The following PHF21B variants were observed in gnomAD, a reference collection of about 807,000 sequenced individuals.
The protein encoded by PHF21B is PHD finger protein 21B.
In PHF21B, 22 loss-of-function variants were observed where a neutral mutation model predicts 62.2. The observed-to-expected ratio is 0.35, with a 90% CI of 0.25 to 0.51. PHF21B has a LOEUF of 0.51. PHF21B is among the 20% of genes least tolerant of loss of function. PHF21B has a pLI of 0.97. For synonymous variants in PHF21B, 341 were observed against 314.7 expected (o/e 1.08, Z -0.88); for missense variants, 701 against 707.9 (o/e 0.99, Z 0.11).
At chr22:44,942,017 G>A (rs932218416) in intron 2 of PHF21B, among the ~76,000 whole-genome samples, 14 of 152,184 alleles carry the variant, frequency 9.2e-5, no homozygotes, top group African/African-American at 3.4e-4. Flanking sequence ...AAAAGTCCAC[G>A]ACATGGCCCG....
chr22:44,902,099 T>C, intron 5 of PHF21B: 1 of 207,506 alleles, frequency 4.8e-6, no homozygotes, highest in Non-Finnish European at 1.0e-5. Context: ...TACTTGTGTC[T>C]GGACCTCTGG....
rs207478019 is a variant in PHF21B, at chr22:44,955,910, G to A, written c.121-35420C>T. On this transcript the variant is annotated intron_variant, in intron 2 of 12. Coordinates refer to ENST00000313237, the MANE Select transcript of PHF21B (RefSeq NM_138415.5). ...ATGGTCAGCACTCAAAGACGCTTCCGTCATATTACAGATGAGGAGAGTGGT... is the reference window on the plus strand; with the variant it reads ...ATGGTCAGCACTCAAAGACGCTTCCATCATATTACAGATGAGGAGAGTGGT... 9.2e-5 allele frequency among the ~76,000 whole-genome samples: 14 copies of A among 152,310 alleles called. No homozygotes were observed. The South Asian group carries it at 1.0e-3, about 11-fold the overall frequency.
At chr22:44,976,656 G>A (rs1232610021) in intron 2 of PHF21B, among the ~76,000 whole-genome samples, 1 of 152,180 alleles carries the variant, frequency 6.6e-6, no homozygotes, top group Non-Finnish European at 1.5e-5. Context: ...TATGTCCAAG[G>A]ACAGCCCAGA....
intron 2 of PHF21B, 31 bp downstream of exon 2, chr22:45,008,514 T>A: frequency 6.5e-7 from 1 of 1,526,836 alleles, no homozygotes; most frequent in South Asian, 1.2e-5. Context: ...TCCCGCCCCA[T>A]CCCAGGGGGG....
intron 9 of PHF21B, among the ~76,000 whole-genome samples, chr22:44,889,156 T>C (rs2070914847): frequency 6.6e-6 from 1 of 152,216 alleles, no homozygotes; most frequent in Non-Finnish European, 1.5e-5. Flanking sequence ...GAATGTTCTT[T>C]TAGAATTAGA....
chr22:44,977,815 G>A (rs1248448768), intron 2 of PHF21B, among the ~76,000 whole-genome samples: 1 of 148,476 alleles, frequency 6.7e-6, no homozygotes, highest in African/African-American at 2.5e-5. Flanking sequence ...TCGAACTCCT[G>A]GCCTCAAGTA....
chr22:44,950,274 C>T (rs917664801), intron 2 of PHF21B, among the ~76,000 whole-genome samples: 15 of 152,242 alleles, frequency 9.9e-5, no homozygotes, highest in African/African-American at 3.6e-4. Flanking sequence ...CCCTGGGTTG[C>T]GTACCGCAGT....
At chr22:44,937,785 A>C (rs2071878865) in intron 2 of PHF21B, among the ~76,000 whole-genome samples, 1 of 152,268 alleles carries the variant, frequency 6.6e-6, no homozygotes, top group Non-Finnish European at 1.5e-5. Flanking sequence ...TCTCGATGAC[A>C]CGGAGGAGCC....
intron 2 of PHF21B, among the ~76,000 whole-genome samples, chr22:44,944,295 G>A (rs149939160): frequency 3.9e-5 from 6 of 152,280 alleles, no homozygotes; most frequent in South Asian, 2.1e-4. Flanking sequence ...TCCTTTCCAC[G>A]TGCATCTTAT....
rs2071590381 is a variant in PHF21B at position 44,924,186 on chromosome 22, A to G, written c.121-3696T>C. 5.3e-5 allele frequency among the ~76,000 whole-genome samples: 8 copies of G among 152,310 alleles called. No homozygotes were observed. In the South Asian group the frequency reaches 1.7e-3, roughly 32 times the overall value. Reference sequence around the variant, plus strand: ...ATAAGCAAATAAAAAATTACTAAACATAATTAGTTATTAGGGAAATGCAAA... The same window carrying G: ...ATAAGCAAATAAAAAATTACTAAACGTAATTAGTTATTAGGGAAATGCAAA... On this transcript the variant is annotated intron_variant, in intron 2 of 12. Coordinates refer to ENST00000313237, the MANE Select transcript of PHF21B (RefSeq NM_138415.5).
chr22:44,993,260 C>T (rs1047047174), intron 2 of PHF21B, among the ~76,000 whole-genome samples: 2 of 152,246 alleles, frequency 1.3e-5, no homozygotes, highest in Non-Finnish European at 2.9e-5. Context: ...CCAGACCAAG[C>T]TGGTTCACAC....
intron 2 of PHF21B, among the ~76,000 whole-genome samples, chr22:44,990,887 G>C (rs1272264206): frequency 6.6e-6 from 1 of 152,256 alleles, no homozygotes; most frequent in Non-Finnish European, 1.5e-5. Context: ...AAAGCCAGGA[G>C]TGTGACCGAG....
chr22:44,925,626 G>T (rs1467950417), intron 2 of PHF21B, among the ~76,000 whole-genome samples: 1 of 152,196 alleles, frequency 6.6e-6, no homozygotes, highest in African/African-American at 2.4e-5. Context: ...ATGACAAACA[G>T]CCTCGGCCAC....
In PHF21B at chr22:45,009,146, A is replaced by ACACGAGCCCCCTCCCCCAC; in HGVS notation, c.54+349_54+350insGTGGGGGAGGGGGCTCGTG. ...GCCCGGGGCGCGGGGGCCCGAGGGG[A>ACACGAGCCCCCTCCCCCAC]GGCCGGAAGGGGGCCTATTCGCACT... On this transcript the variant is annotated intron_variant, in intron 1 of 12. Transcript: ENST00000313237. The surrounding 1 kb of genome is among the most constrained non-coding windows in gnomAD (Gnocchi z 5.9). 1 of 568,330 alleles carries ACACGAGCCCCCTCCCCCAC rather than the reference A, an allele frequency of 1.8e-6. No individual in the cohort carries two copies. The allele number at this position is 568,330 out of a possible 1,614,324, so 35.2% of individuals were successfully genotyped here. A position where few individuals can be genotyped will look rare whatever the true frequency, so the allele number is the denominator to read the frequency against.
chr22:44,946,614 TATGGATGGATGGGTGGATGG>T (rs1034793647), intron 2 of PHF21B, among the ~76,000 whole-genome samples: 5 of 151,708 alleles, frequency 3.3e-5, no homozygotes, highest in African/African-American at 1.2e-4. Context: ...ACAGTGGTTG[TATGGATGGATGGGTGGATGG>T]ATGGATGGGT....
chr22:44,943,004 C>A lies in PHF21B; in HGVS notation c.121-22514G>T, dbSNP rs563678944. ...CCCCCAGCAGGGAGGGACCCCCCCC[C>A]CCCCATCCTCAGAAGGGCTGACCAA... On this transcript the variant is annotated intron_variant, in intron 2 of 12. Transcript: ENST00000313237. 2.6e-4 allele frequency among the ~76,000 whole-genome samples: 40 copies of A among 151,384 alleles called. 1 individual carries two copies. The highest frequency in any genetic ancestry group is 8.3e-4 in the African/African-American group (34 of 41,108).
intron 2 of PHF21B, among the ~76,000 whole-genome samples, chr22:44,921,376 T>C (rs1361555666): frequency 6.6e-6 from 1 of 151,982 alleles, no homozygotes; most frequent in African/African-American, 2.4e-5. Flanking sequence ...TTTTTCTTTT[T>C]TTTTTTCTTG....
rs775430002 is a variant in PHF21B, at chr22:44,893,584, C to A, written c.884-51G>T. 126 of 1,534,174 alleles carry A rather than the reference C, an allele frequency of 8.2e-5. No individual in the cohort carries two copies. In the Middle Eastern group the frequency reaches 1.0e-3, roughly 12 times the overall value. ...ACTGGGTCCTGCCTGCCCTGGGAAC[C>A]CCAAATGCTTCCTTGCCAAGCCCTG... On this transcript the variant is annotated intron_variant, in intron 6 of 12. Transcript: ENST00000313237.
chr22:45,009,142 G>C lies in PHF21B; in HGVS notation c.54+354C>G. ...GTTCGCCCGGGGCGCGGGGGCCCGA[G>C]GGGAGGCCGGAAGGGGGCCTATTCG... On this transcript the variant is annotated intron_variant, in intron 1 of 12. Coordinates refer to ENST00000313237, the MANE Select transcript of PHF21B (RefSeq NM_138415.5). The surrounding 1 kb of genome is among the most constrained non-coding windows in gnomAD (Gnocchi z 5.9). 1.5e-6 allele frequency: 1 copy of C among 646,632 alleles called. No individual in the cohort carries two copies. The highest frequency in any genetic ancestry group is 2.1e-6 in the Non-Finnish European group (1 of 469,318). The allele number at this position is 646,632 out of a possible 1,614,324, so 40.1% of individuals were successfully genotyped here.
Sources: allele counts gnomAD v4.1 joint callset (sites outside exome capture counted in the v4.1 genomes callset), GRCh38; gene constraint gnomAD v4.1.1; non-coding constraint Gnocchi (gnomAD v3.1); transcripts MANE v1.5; gene names NCBI Gene and HGNC (gene_info 2026-07-23, HGNC 2026-07-21).